FRAS1: variants seen among roughly 807,000 people sequenced by gnomAD.
The protein encoded by FRAS1 is extracellular matrix organizing protein FRAS1.
Under a neutral mutation model 435.2 loss-of-function variants are expected in FRAS1, and 290 were observed. That is an observed-to-expected ratio of 0.67 (90% CI 0.61 to 0.73). The LOEUF (loss-of-function observed/expected upper bound fraction) is 0.73, where lower values mean the gene tolerates loss of function less well. FRAS1 is among the 30% of genes least tolerant of loss of function. The pLI is 0.00. For synonymous variants in FRAS1, 1,800 were observed against 1,851.0 expected (o/e 0.97, Z 0.71); for missense variants, 4,860 against 5,001.5 (o/e 0.97, Z 0.85).
At chr4:78,358,525 G>C (rs1213848399) in intron 20 of FRAS1, among the ~76,000 whole-genome samples, 1 of 143,910 alleles carries the variant, frequency 6.9e-6, no homozygotes, top group Non-Finnish European at 1.5e-5. Context: ...CAGAGTCTCA[G>C]TTTCCTCATT....
At chr4:78,071,012 C>T (rs1269776741) in intron 2 of FRAS1, 1 of 152,222 alleles carries the variant, frequency 6.6e-6, no homozygotes, top group Non-Finnish European at 1.5e-5. Context: ...ATAAATGACT[C>T]TTCTTCCCTG....
chr4:78,518,443 T>C (rs894981086), intron 66 of FRAS1, among the ~76,000 whole-genome samples: 30 of 120,948 alleles, frequency 2.5e-4, no homozygotes, highest in Non-Finnish European at 4.3e-4. Context: ...TATATATATA[T>C]ATATATATAT....
Position 78,065,976 on chromosome 4 carries a change from T to C in FRAS1, c.77-9T>C, listed in dbSNP as rs1740016134. 6.2e-7 allele frequency: 1 copy of C among 1,603,750 alleles called. No homozygotes were observed. The highest frequency in any genetic ancestry group is 2.2e-5 in the East Asian group (1 of 44,788). ...TCCCTTTTAATTCTTGTTTTGTTTT[T>C]CCCCACAGGTGCTTGTGTCTATCAG... is the stretch of plus-strand genomic sequence containing the variant. On this transcript the variant is annotated splice_polypyrimidine_tract_variant and intron_variant, in intron 1 of 73. Transcript: ENST00000512123.
At chr4:78,158,490 T>C (rs1156700062) in intron 2 of FRAS1, among the ~76,000 whole-genome samples, 1 of 152,108 alleles carries the variant, frequency 6.6e-6, no homozygotes, top group Admixed American at 6.6e-5. Context: ...TCAGCTTGAA[T>C]GTTATGGTGT....
At chr4:78,064,606 TACC>T (rs1333251490) in intron 1 of FRAS1, among the ~76,000 whole-genome samples, 1 of 151,150 alleles carries the variant, frequency 6.6e-6, no homozygotes, top group East Asian at 1.9e-4. Context: ...AATTGTTGTA[TACC>T]AAGAAAAAAA....
chr4:78,421,769 T>A (rs1426353817), intron 33 of FRAS1, 94 bp from the exon 34 acceptor site: 3 of 1,384,522 alleles, frequency 2.2e-6, no homozygotes, highest in Non-Finnish European at 2.0e-6. Context: ...AATGTCAGAC[T>A]CCCACCAACA....
intron 2 of FRAS1, among the ~76,000 whole-genome samples, chr4:78,133,011 G>A (rs1719753425): frequency 6.6e-6 from 1 of 152,186 alleles, no homozygotes; most frequent in Non-Finnish European, 1.5e-5. Context: ...GGAGGCGGAA[G>A]TTGCAGTGAG....
rs1039982657 is a variant in FRAS1, at chr4:78,114,274, C to T, written c.108+48258C>T. Among the ~76,000 whole-genome samples, 5 of 152,252 alleles carry T rather than the reference C, an allele frequency of 3.3e-5. No individual in the cohort carries two copies. The East Asian group carries it at 9.6e-4, about 29-fold the overall frequency. Reference sequence around the variant, plus strand: ...AAGTCAGGTAGCGTGATGCCTCCAGCTTTGTTCTTTTGGCTTAGGATTGAC... The same window carrying T: ...AAGTCAGGTAGCGTGATGCCTCCAGTTTTGTTCTTTTGGCTTAGGATTGAC... On this transcript the variant is annotated intron_variant, in intron 2 of 73. Coordinates refer to ENST00000512123, the MANE Select transcript of FRAS1 (RefSeq NM_025074.7).
Position 78,358,520 on chromosome 4 carries a change from T to C in FRAS1, c.2423-4993T>C, listed in dbSNP as rs191023898. On this transcript the variant is annotated intron_variant, in intron 20 of 73. Coordinates refer to ENST00000512123, the MANE Select transcript of FRAS1 (RefSeq NM_025074.7). The stretch of plus-strand genomic sequence containing the variant: ...AAGCAAATGACTTAACCTTTCAGAG[T>C]CTCAGTTTCCTCATTTATAAAATGG... Among the ~76,000 whole-genome samples, 3 of 149,768 alleles carry C rather than the reference T, an allele frequency of 2.0e-5. No homozygotes were observed. The East Asian group carries it at 5.8e-4, about 29-fold the overall frequency.
intron 9 of FRAS1, among the ~76,000 whole-genome samples, chr4:78,275,813 G>T (rs1381287104): frequency 1.3e-5 from 2 of 152,094 alleles, no homozygotes; most frequent in Non-Finnish European, 2.9e-5. Flanking sequence ...TCTTCTTGAG[G>T]AGTATCTTTG....
intron 15 of FRAS1, among the ~76,000 whole-genome samples, chr4:78,312,179 C>CAT (rs10526590): frequency 0.31 from 40,362 of 128,482 alleles, 7,572 homozygotes; most frequent in Admixed American, 0.38. Flanking sequence ...ATCTGAAGTC[C>CAT]ATATATATAT....
intron 2 of FRAS1, among the ~76,000 whole-genome samples, chr4:78,209,700 A>G (rs1269599120): frequency 6.6e-6 from 1 of 152,146 alleles, no homozygotes; most frequent in African/African-American, 2.4e-5. Flanking sequence ...GCAGATCCTT[A>G]AACTGTCAGG....
At chr4:78,060,809 G>A (rs1256083786) in intron 1 of FRAS1, among the ~76,000 whole-genome samples, 1 of 152,056 alleles carries the variant, frequency 6.6e-6, no homozygotes, top group Non-Finnish European at 1.5e-5. Context: ...TGCATTATTA[G>A]TGGTCAATTG....
chr4:78,347,532 C>T (rs1310361097), intron 20 of FRAS1, among the ~76,000 whole-genome samples: 3 of 152,168 alleles, frequency 2.0e-5, no homozygotes, highest in Non-Finnish European at 2.9e-5. Context: ...TCTGAGTGAA[C>T]GTCCAAAGCT....
At chr4:78,062,735 C>T (rs28473654) in intron 1 of FRAS1, among the ~76,000 whole-genome samples, 3 of 152,116 alleles carry the variant, frequency 2.0e-5, no homozygotes, top group Non-Finnish European at 2.9e-5. Context: ...TATGCAGTAA[C>T]GTTTTTTCTG....
intron 14 of FRAS1, among the ~76,000 whole-genome samples, chr4:78,304,780 C>CCT (rs1728616077): frequency 6.6e-6 from 1 of 152,012 alleles, no homozygotes; most frequent in Non-Finnish European, 1.5e-5. Flanking sequence ...AAAAAGTGGT[C>CCT]TATCAATTTT....
chr4:78,442,592 C>T (rs1204616493), intron 41 of FRAS1, among the ~76,000 whole-genome samples: 2 of 152,198 alleles, frequency 1.3e-5, no homozygotes, highest in African/African-American at 2.4e-5. Context: ...TCTTATTAAG[C>T]CTTCCTAACA....
intron 2 of FRAS1, among the ~76,000 whole-genome samples, chr4:78,155,841 C>T (rs1488745909): frequency 1.3e-5 from 2 of 152,046 alleles, no homozygotes; most frequent in Non-Finnish European, 1.5e-5. Flanking sequence ...TCCATGGACT[C>T]GTACAGAGTT....
rs1289872953 is a variant in FRAS1, at chr4:78,506,173, G to A, written c.9317-1248G>A. On this transcript the variant is annotated intron_variant, in intron 61 of 73. Transcript: ENST00000512123. ...ATGTGGTGTCCGTCAGCTGCCACTG[G>A]GAGATGTCTCCCAGTTAGGCTACAC... Among the ~76,000 whole-genome samples the A allele has an allele frequency of 2.0e-5, 3 of 152,206 alleles. No homozygotes were observed. The East Asian group carries it at 5.8e-4, about 29-fold the overall frequency.
Sources: allele counts gnomAD v4.1 joint callset (sites outside exome capture counted in the v4.1 genomes callset), GRCh38; gene constraint gnomAD v4.1.1; transcripts MANE v1.5; gene names NCBI Gene and HGNC (gene_info 2026-07-23, HGNC 2026-07-21).